RANBP17: variants seen among roughly 807,000 people sequenced by gnomAD.
RANBP17 encodes the protein ran-binding protein 17.
RANBP17 carries 158 observed loss-of-function variants against 141.2 expected under a neutral mutation model. The ratio of observed to expected loss-of-function variants is 1.12; its 90% CI spans 0.98 to 1.28. RANBP17 has a LOEUF of 1.28. Ranked by LOEUF, RANBP17 falls within the 50% of genes most tolerant of loss-of-function variation. RANBP17 has a pLI of 0.00. For synonymous variants in RANBP17, 430 were observed against 450.0 expected, an observed-to-expected ratio of 0.96 and a Z score of 0.56; for missense variants, 1,438 against 1,290.7, an observed-to-expected ratio of 1.11 and a Z score of -1.75.
At chr5:170,905,257 G>A (rs1209323121) in intron 5 of RANBP17, among the ~76,000 whole-genome samples, 2 of 152,186 alleles carry the variant, frequency 1.3e-5, no homozygotes, top group East Asian at 3.9e-4. Context: ...GAAAGCAGAA[G>A]TTGGGTTCTA....
intron 25 of RANBP17, among the ~76,000 whole-genome samples, chr5:171,282,706 C>G (rs1476828423): frequency 6.6e-6 from 1 of 152,072 alleles, no homozygotes; most frequent in African/African-American, 2.4e-5. Flanking sequence ...TCTTGAACTC[C>G]TGACCTCAGG....
intron 14 of RANBP17, among the ~76,000 whole-genome samples, chr5:171,165,746 A>G (rs998372724): frequency 6.6e-6 from 1 of 152,226 alleles, no homozygotes; most frequent in Non-Finnish European, 1.5e-5. Context: ...GTGGAAATTA[A>G]TACTACAAAA....
At chr5:171,294,887 A>G (rs987553881) in intron 26 of RANBP17, among the ~76,000 whole-genome samples, 3 of 152,224 alleles carry the variant, frequency 2.0e-5, no homozygotes, top group African/African-American at 7.2e-5. Flanking sequence ...TGGAGGCAAT[A>G]TTTCACAGTT....
At chr5:171,062,826 T>A (rs1426504488) in intron 14 of RANBP17, among the ~76,000 whole-genome samples, 1 of 152,212 alleles carries the variant, frequency 6.6e-6, no homozygotes, top group East Asian at 1.9e-4. Flanking sequence ...TCTTTTCACA[T>A]AGTCCCATAT....
At chr5:171,073,852 A>T (rs2446044) in intron 14 of RANBP17, among the ~76,000 whole-genome samples, 91,021 of 149,498 alleles carry the variant, frequency 0.61, 28,835 homozygotes, top group South Asian at 0.89. Flanking sequence ...TTTTTTTTTT[A>T]AAGCACGGAA....
chr5:170,865,731 C>G (rs1008554950), intron 1 of RANBP17, among the ~76,000 whole-genome samples: 1 of 152,200 alleles, frequency 6.6e-6, no homozygotes, highest in African/African-American at 2.4e-5. Context: ...GCCCTTTCTT[C>G]TCAGACCAAG....
intron 14 of RANBP17, among the ~76,000 whole-genome samples, chr5:171,118,544 C>G (rs1755803495): frequency 6.6e-6 from 1 of 151,728 alleles, no homozygotes; most frequent in African/African-American, 2.4e-5. Context: ...ATGTTTTTTT[C>G]TTTGTATGTA....
rs557836693 is a variant in RANBP17 at position 171,006,480 on chromosome 5, G to C, written c.1710+38103G>C. On this transcript the variant is annotated intron_variant, in intron 14 of 27. Coordinates refer to ENST00000523189, the MANE Select transcript of RANBP17 (RefSeq NM_022897.5). ...ATGAAGCTGGAAACCATCATTCTCA[G>C]CAAACTATCGCAAGGACAAAAAACC... is the stretch of plus-strand genomic sequence containing the variant. Among the ~76,000 whole-genome samples, 14 of 152,198 alleles carry C rather than the reference G, an allele frequency of 9.2e-5. No individual in the cohort carries two copies. In the South Asian group the frequency reaches 2.9e-3, roughly 32 times the overall value.
chr5:170,881,222 A>G (rs1454846254), intron 2 of RANBP17, among the ~76,000 whole-genome samples: 1 of 152,208 alleles, frequency 6.6e-6, no homozygotes, highest in East Asian at 1.9e-4. Flanking sequence ...CCTCTGGTCT[A>G]GAGAAAAAAA....
At chr5:170,930,601 C>T (rs1196340474) in intron 12 of RANBP17, among the ~76,000 whole-genome samples, 4 of 151,992 alleles carry the variant, frequency 2.6e-5, no homozygotes, top group African/African-American at 4.8e-5. Flanking sequence ...TGATGTTCCC[C>T]GCCCTGTGTC....
chr5:171,026,246 T>C (rs1164861000), intron 14 of RANBP17, among the ~76,000 whole-genome samples: 1 of 152,212 alleles, frequency 6.6e-6, no homozygotes, highest in Non-Finnish European at 1.5e-5. Context: ...CACAATCTTA[T>C]TTTAACCCTT....
intron 14 of RANBP17, 56 bp from the exon 15 acceptor site, chr5:171,170,074 C>A (rs1186256927): frequency 1.3e-5 from 12 of 954,428 alleles, no homozygotes; most frequent in Non-Finnish European, 1.7e-5. Flanking sequence ...TTCGAATAGT[C>A]TTTTGAAAAT....
intron 14 of RANBP17, among the ~76,000 whole-genome samples, chr5:171,075,424 TAAATG>T (rs1784858978): frequency 6.6e-6 from 1 of 152,190 alleles, no homozygotes; most frequent in Admixed American, 6.5e-5. Flanking sequence ...CAAAAAATGA[TAAATG>T]AAATAAGTCA....
At chr5:171,062,479 A>G (rs1447074469) in intron 14 of RANBP17, among the ~76,000 whole-genome samples, 1 of 152,158 alleles carries the variant, frequency 6.6e-6, no homozygotes, top group African/African-American at 2.4e-5. Flanking sequence ...ATATGGTTGA[A>G]TATTGGCCCC....
At chr5:171,021,502 G>A (rs1164272483) in intron 14 of RANBP17, among the ~76,000 whole-genome samples, 3 of 151,866 alleles carry the variant, frequency 2.0e-5, no homozygotes, top group Non-Finnish European at 2.9e-5. Flanking sequence ...TCTTGTCTTT[G>A]TGACTTATTT....
chr5:170,971,085 T>A (rs528448704), intron 14 of RANBP17, among the ~76,000 whole-genome samples: 1 of 152,336 alleles, frequency 6.6e-6, no homozygotes, highest in South Asian at 2.1e-4. Flanking sequence ...AAAATGATGC[T>A]GACTTGAGTG....
intron 6 of RANBP17, 198 bp from the exon 7 acceptor site, chr5:170,910,771 G>C (rs1428692047): frequency 7.5e-6 from 4 of 530,856 alleles, no homozygotes; most frequent in African/African-American, 5.7e-5. Context: ...TTTATTAGCT[G>C]AATGTGATTC....
At chr5:170,995,002 G>T (rs1049584163) in intron 14 of RANBP17, among the ~76,000 whole-genome samples, 1 of 151,880 alleles carries the variant, frequency 6.6e-6, no homozygotes, top group Non-Finnish European at 1.5e-5. Context: ...CCTATTCAAG[G>T]CCTATAAAGA....
At chr5:170,968,569 A>AT in intron 14 of RANBP17, 192 bp downstream of exon 14, 3 of 635,242 alleles carry the variant, frequency 4.7e-6, no homozygotes, top group Non-Finnish European at 8.6e-6. Context: ...TTCTTTAAAG[A>AT]TTGAGTGGCA....
Sources: allele counts gnomAD v4.1 joint callset (sites outside exome capture counted in the v4.1 genomes callset), GRCh38; gene constraint gnomAD v4.1.1; transcripts MANE v1.5; gene names NCBI Gene and HGNC (gene_info 2026-07-23, HGNC 2026-07-21).